The following ZSWIM3 variants were observed in gnomAD, a reference collection of about 807,000 sequenced individuals.
The protein encoded by ZSWIM3 is zinc finger SWIM-type containing 3, also known as zinc finger SWIM domain-containing protein 3.
Under a neutral mutation model 47.5 loss-of-function variants are expected in ZSWIM3, and 27 were observed. That is an observed-to-expected ratio of 0.57 (90% CI 0.42 to 0.78). The LOEUF (loss-of-function observed/expected upper bound fraction) is 0.78. ZSWIM3 is among the 30% of genes least tolerant of loss of function. The pLI is 0.00. For synonymous variants in ZSWIM3, 333 were observed against 333.9 expected (o/e 1.00, Z 0.03); for missense variants, 689 against 861.3 (o/e 0.80, Z 2.50).
chr20:45,869,467 C>T (rs544859429), intron 1 of ZSWIM3, among the ~76,000 whole-genome samples: 6 of 151,294 alleles, frequency 4.0e-5, no homozygotes, highest in South Asian at 2.1e-4. Context: ...TGCAGTGAGG[C>T]GAGATCATGC....
intron 1 of ZSWIM3, among the ~76,000 whole-genome samples, chr20:45,865,891 G>A (rs1985827546): frequency 6.6e-6 from 1 of 151,836 alleles, no homozygotes; most frequent in African/African-American, 2.4e-5. Context: ...TACTCCGGAG[G>A]GTGAGGCAGG....
At chr20:45,861,290 C>T (rs1985702108) in intron 1 of ZSWIM3, among the ~76,000 whole-genome samples, 1 of 152,066 alleles carries the variant, frequency 6.6e-6, no homozygotes, top group African/African-American at 2.4e-5. Context: ...GTGGTGTGTG[C>T]CTGTAGTACC....
At chr20:45,863,752 C>A (rs1393708190) in intron 1 of ZSWIM3, among the ~76,000 whole-genome samples, 1 of 152,128 alleles carries the variant, frequency 6.6e-6, no homozygotes, top group Non-Finnish European at 1.5e-5. Flanking sequence ...AATCCCAGCA[C>A]TTTGGGAGAC....
At chr20:45,861,671 C>A (rs1985711769) in intron 1 of ZSWIM3, among the ~76,000 whole-genome samples, 1 of 151,982 alleles carries the variant, frequency 6.6e-6, no homozygotes, top group Non-Finnish European at 1.5e-5. Context: ...AAATCCTGGC[C>A]TCAAGTAATC....
At position 45,862,783 on chromosome 20, in the gene ZSWIM3, C is replaced by T. The variant is rs1263418286; in HGVS notation, c.155+4803C>T. 4.1e-4 allele frequency among the ~76,000 whole-genome samples: 62 copies of T among 152,200 alleles called. 1 individual carries two copies. The highest frequency in any genetic ancestry group is 4.0e-3 in the Admixed American group (61 of 15,270). Reference sequence around the variant, plus strand: ...CTGCGATTACAGCTGTGAGGTGCCACGCCCAGCCTATGTATTTATTTATTT... The same window carrying T: ...CTGCGATTACAGCTGTGAGGTGCCATGCCCAGCCTATGTATTTATTTATTT... On this transcript the variant is annotated intron_variant, in intron 1 of 1. Transcript: ENST00000255152.
intron 1 of ZSWIM3, among the ~76,000 whole-genome samples, chr20:45,869,451 A>G (rs113548111): frequency 0.045 from 6,856 of 151,538 alleles, 192 homozygotes; most frequent in South Asian, 0.12. Context: ...TCTGGGAGGC[A>G]GGGGTTGCAG....
rs182585703 is a variant in ZSWIM3 at position 45,877,895 on chromosome 20, C to T, written c.1337C>T (p.Pro446Leu). Residue 446 changes from proline (P) to leucine (L), a missense_variant, in exon 2 of 2, where the codon CCG becomes CTG. Coordinates refer to ENST00000255152, the MANE Select transcript of ZSWIM3 (RefSeq NM_080752.4). ...TPPPKLKRARPASMPLKSKKA... is the reference protein window; with the variant it reads ...TPPPKLKRARLASMPLKSKKA... ...CCTCCCAAATTAAAGAGAGCTCGGC[C>T]GGCAAGCATGCCACTGAAGTCCAAG... is the stretch of plus-strand genomic sequence containing the variant. 1,031 of 1,614,172 alleles carry T rather than the reference C, an allele frequency of 6.4e-4. 11 individuals carry two copies. The East Asian group carries it at 9.3e-3, about 15-fold the overall frequency.
At chr20:45,872,733 C>A (rs1213450291) in intron 1 of ZSWIM3, 1 of 1,289,226 alleles carries the variant, frequency 7.8e-7, no homozygotes, top group Admixed American at 2.3e-5. Context: ...CAAGTGGTCA[C>A]CCCTCACTGG....
chr20:45,878,782 T>A lies in ZSWIM3; in HGVS notation c.*133T>A. ...GGTGGGGCTAGGAATATTGTTACAG[T>A]AGAGAGGAAGGGAACTCCACTGTGT... On this transcript the variant is annotated 3_prime_UTR_variant, in exon 2 of 2. Transcript: ENST00000255152. The A allele has an allele frequency of 4.2e-6, 5 of 1,187,570 alleles. No individual in the cohort carries two copies. Among genetic ancestry groups the A allele is most frequent in the Non-Finnish European group, 5.8e-6 (5 of 868,612 alleles). 73.6% of individuals were successfully genotyped at this position (1,187,570 alleles called of 1,614,324 possible).
At chr20:45,864,210 C>T (rs1985777980) in intron 1 of ZSWIM3, among the ~76,000 whole-genome samples, 2 of 152,156 alleles carry the variant, frequency 1.3e-5, no homozygotes, top group Non-Finnish European at 2.9e-5. Context: ...GTAGGCTCCA[C>T]CCCTGAGGAC....
Position 45,878,484 on chromosome 20 carries a change from C to T in ZSWIM3, c.1926C>T (p.Tyr642=). 1 of 1,614,238 alleles carries T rather than the reference C, an allele frequency of 6.2e-7. No homozygotes were observed. The highest frequency in any genetic ancestry group is 8.5e-7 in the Non-Finnish European group (1 of 1,180,054). The stretch of plus-strand genomic sequence containing the variant: ...AGGGGCCAGAGCTGGAGGAACGCTA[C>T]TCCACCCTGCGCAAGATTGTGGATA... The part of the protein sequence containing the change: ...QTEGPELEER[Y]STLRKIVDIW... Residue 642 remains tyrosine (Y), a synonymous_variant, in exon 2 of 2, where the codon TAC becomes TAT. Transcript: ENST00000255152.
In ZSWIM3 at chr20:45,876,930, G is replaced by A; in HGVS notation, c.372G>A (p.Leu124=). 6.2e-7 allele frequency: 1 copy of A among 1,614,100 alleles called. No homozygotes were observed. Residue 124 remains leucine, a synonymous_variant, in exon 2 of 2, where the codon CTG becomes CTA. Transcript: ENST00000255152. ...GCAAATCTCAAAAGACAATGTGCCT[G>A]CAGAGACTCCAGCCTGTGCAGCCCA... ...TTGKSQKTMC[L]QRLQPVQPTT...
At chr20:45,865,319 C>CAA (rs201175786) in intron 1 of ZSWIM3, among the ~76,000 whole-genome samples, 184 of 100,852 alleles carry the variant, frequency 1.8e-3, no homozygotes, top group African/African-American at 6.4e-3. Flanking sequence ...AACTCTGTCT[C>CAA]AAAAAAAAAA....
rs77162425 is a variant in ZSWIM3 at position 45,864,500 on chromosome 20, T to G, written c.155+6520T>G. Among the ~76,000 whole-genome samples, 19 of 152,308 alleles carry G rather than the reference T, an allele frequency of 1.2e-4. No homozygotes were observed. The East Asian group carries it at 3.5e-3, about 28-fold the overall frequency. On this transcript the variant is annotated intron_variant, in intron 1 of 1. Coordinates refer to ENST00000255152, the MANE Select transcript of ZSWIM3 (RefSeq NM_080752.4). The stretch of plus-strand genomic sequence containing the variant: ...TACTGGGTGGTCAGGTGAGATGATA[T>G]TAATACTTATGTGAAAATGTAGACA...
intron 1 of ZSWIM3, among the ~76,000 whole-genome samples, chr20:45,870,732 C>T (rs174746): frequency 6.6e-6 from 1 of 151,470 alleles, no homozygotes; most frequent in East Asian, 1.9e-4. Context: ...CTCACTCTGT[C>T]GCCCAGGCTG....
Position 45,857,892 on chromosome 20 carries a change from G to C in ZSWIM3, c.67G>C (p.Glu23Gln), listed in dbSNP as rs1985574407. Residue 23 changes from glutamate (E) to glutamine (Q), a missense_variant, in exon 1 of 2, where the codon GAG becomes CAG. Coordinates refer to ENST00000255152, the MANE Select transcript of ZSWIM3 (RefSeq NM_080752.4). ...FKECFSAYKR[E>Q]NRCSFILRDC... ...GGAGTGCTTCAGCGCCTACAAAAGG[G>C]AGAACAGGTGCTCCTTCATTCTCAG... 1.2e-6 allele frequency: 2 copies of C among 1,612,642 alleles called. No individual in the cohort carries two copies. The highest frequency in any genetic ancestry group is 2.7e-5 in the African/African-American group (2 of 74,556).
At chr20:45,869,405 G>A (rs968161948) in intron 1 of ZSWIM3, among the ~76,000 whole-genome samples, 17 of 151,790 alleles carry the variant, frequency 1.1e-4, no homozygotes, top group African/African-American at 4.1e-4. Flanking sequence ...TGTAATCCCA[G>A]CTACTCGGGA....
intron 1 of ZSWIM3, chr20:45,872,758 T>C: frequency 1.6e-6 from 2 of 1,289,384 alleles, no homozygotes; most frequent in Non-Finnish European, 2.0e-6. Context: ...GCTGTACTAC[T>C]GGACTGCTCC....
At chr20:45,869,482 G>A (rs920026406) in intron 1 of ZSWIM3, among the ~76,000 whole-genome samples, 2 of 151,612 alleles carry the variant, frequency 1.3e-5, no homozygotes. Flanking sequence ...TCATGCCACG[G>A]CACTCCAGAC....
Sources: allele counts gnomAD v4.1 joint callset (sites outside exome capture counted in the v4.1 genomes callset), GRCh38; gene constraint gnomAD v4.1.1; transcripts MANE v1.5; gene names NCBI Gene and HGNC (gene_info 2026-07-23, HGNC 2026-07-21).